The following TRIM58 variants were observed in gnomAD, a reference collection of about 807,000 sequenced individuals.
TRIM58 encodes E3 ubiquitin-protein ligase TRIM58.
A neutral mutation model predicts 34.1 loss-of-function variants in TRIM58; 38 were observed. The ratio of observed to expected loss-of-function variants is 1.12; its 90% CI spans 0.86 to 1.46. The LOEUF (loss-of-function observed/expected upper bound fraction) is 1.46. Among genes scored for constraint, TRIM58 ranks in the 40% most tolerant of loss-of-function variants. The pLI is 0.00. For missense variants in TRIM58, 677 were observed against 642.0 expected (o/e 1.05, Z -0.59); for synonymous variants, 273 against 275.7 (o/e 0.99, Z 0.10).
At chr1:247,863,425 T>G (rs560317498) in intron 2 of TRIM58, among the ~76,000 whole-genome samples, 1 of 151,692 alleles carries the variant, frequency 6.6e-6, no homozygotes, top group African/African-American at 2.4e-5. Context: ...GTAATCCCAC[T>G]TACTCGGGAG....
chr1:247,876,651 T>G lies in TRIM58; in HGVS notation c.*162T>G. 1.6e-6 allele frequency: 1 copy of G among 615,030 alleles called. No individual in the cohort carries two copies. The highest frequency in any genetic ancestry group is 2.8e-6 in the Non-Finnish European group (1 of 352,412). The allele number at this position is 615,030 out of a possible 1,614,324, so 38.1% of individuals were successfully genotyped here. ...GGACAAAAGAGGGAATATGAAATAT[T>G]TGCATATGGGAAGATTATAGAGCAT... On this transcript the variant is annotated 3_prime_UTR_variant, in exon 6 of 6. Transcript: ENST00000366481.
chr1:247,860,749 T>C, intron 2 of TRIM58, 37 bp downstream of exon 2: 1 of 1,503,096 alleles, frequency 6.7e-7, no homozygotes, highest in Non-Finnish European at 9.3e-7. Flanking sequence ...GCTTGCCTGT[T>C]TGAAGGATCC....
intron 3 of TRIM58, among the ~76,000 whole-genome samples, chr1:247,867,241 AAT>A (rs922881491): frequency 1.3e-5 from 2 of 152,200 alleles, no homozygotes; most frequent in African/African-American, 4.8e-5. Context: ...CCCTCAAATA[AAT>A]TCTATGAGTA....
chr1:247,860,929 T>C (rs990488891), intron 2 of TRIM58, among the ~76,000 whole-genome samples: 1 of 152,188 alleles, frequency 6.6e-6, no homozygotes, highest in Non-Finnish European at 1.5e-5. Context: ...ATCCAAATTA[T>C]AATTAAATAG....
chr1:247,876,307 G>A lies in TRIM58; in HGVS notation c.1279G>A (p.Val427Ile), dbSNP rs765945183. ...AGCCGGTGAAATTTCATTCTACAAT[G>A]TCACAGATGGATCTTATATCTACAC... ...YEAGEISFYNVTDGSYIYTFN... is the reference protein window; with the variant it reads ...YEAGEISFYNITDGSYIYTFN... Residue 427 changes from valine (V) to isoleucine (I), a missense_variant, in exon 6 of 6, where the codon GTC becomes ATC. Val to Ile is a conservative substitution (Grantham distance 29, BLOSUM62 3). Coordinates refer to ENST00000366481, the MANE Select transcript of TRIM58 (RefSeq NM_015431.4). 6 of 1,614,194 alleles carry A rather than the reference G, an allele frequency of 3.7e-6. No individual in the cohort carries two copies. Among genetic ancestry groups the A allele is most frequent in the Non-Finnish European group, 4.2e-6 (5 of 1,180,042 alleles).
chr1:247,857,231 C>T lies in TRIM58; in HGVS notation c.-16C>T. On this transcript the variant is annotated 5_prime_UTR_variant, in exon 1 of 6. Transcript: ENST00000366481. ...GGTGCGGGCGGCCGGGAGCGCAGCC[C>T]TCCGGGAGGCGGGTCATGGCCTGGG... 1.5e-6 allele frequency: 2 copies of T among 1,312,078 alleles called. No homozygotes were observed. The highest frequency in any genetic ancestry group is 2.0e-6 in the Non-Finnish European group (2 of 1,024,230). The allele number at this position is 1,312,078 out of a possible 1,614,324, so 81.3% of individuals were successfully genotyped here. A position where few individuals can be genotyped will look rare whatever the true frequency, so the allele number is the denominator to read the frequency against.
intron 2 of TRIM58, 141 bp from the exon 3 acceptor site, chr1:247,864,564 G>GTGCA: frequency 1.3e-6 from 1 of 769,016 alleles, no homozygotes. Flanking sequence ...ACTCCAGTCT[G>GTGCA]TGCATGTTGT....
In TRIM58 at chr1:247,857,544, G is replaced by C. The variant is rs1422013225; in HGVS notation, c.298G>C (p.Gly100Arg). The change falls in exon 1 of 6, where the codon GGC (glycine) becomes CGC (arginine). Residue 100 changes from glycine to arginine, a missense_variant. Transcript: ENST00000366481. ...CGGGGCGCGGCGATGCGCGCGGCAC[G>C]GCGAGGACCTGAGCCGCTTCTGCGA... Reference protein sequence around the residue: ...GPGARRCARHGEDLSRFCEED... With the variant: ...GPGARRCARHREDLSRFCEED... 6 of 1,280,646 alleles carry C rather than the reference G, an allele frequency of 4.7e-6. No individual in the cohort carries two copies. Among genetic ancestry groups the C allele is most frequent in the South Asian group, 2.8e-5 (1 of 35,628 alleles). 79.3% of individuals were successfully genotyped at this position (1,280,646 alleles called of 1,614,324 possible).
intron 5 of TRIM58, among the ~76,000 whole-genome samples, chr1:247,873,078 A>G: frequency 6.6e-6 from 1 of 152,108 alleles, no homozygotes; most frequent in East Asian, 1.9e-4. Context: ...TAAAAATACA[A>G]AATTAGCCAG....
At chr1:247,873,990 G>C (rs11204534) in intron 5 of TRIM58, among the ~76,000 whole-genome samples, 4,263 of 152,076 alleles carry the variant, frequency 0.028, 213 homozygotes, top group African/African-American at 0.098. Context: ...TTCACTGTAA[G>C]TGTTTAAAGG....
chr1:247,876,279 T>C lies in TRIM58; in HGVS notation c.1251T>C (p.Tyr417=). The change falls in exon 6 of 6, where the codon TAT becomes TAC. Residue 417 remains tyrosine (Y), a synonymous_variant. Coordinates refer to ENST00000366481, the MANE Select transcript of TRIM58 (RefSeq NM_015431.4). ...GCTGCATTGGGATTTTCTTGGACTA[T>C]GAAGCCGGTGAAATTTCATTCTACA... ...SPRCIGIFLD[Y]EAGEISFYNV... is the part of the protein sequence containing the mutation. 1.9e-6 allele frequency: 3 copies of C among 1,614,234 alleles called. No homozygotes were observed. Among genetic ancestry groups the C allele is most frequent in the East Asian group, 2.2e-5 (1 of 44,884 alleles).
chr1:247,868,267 G>A (rs1248567263), intron 5 of TRIM58, among the ~76,000 whole-genome samples: 1 of 152,168 alleles, frequency 6.6e-6, no homozygotes, highest in African/African-American at 2.4e-5. Context: ...AGAGTGTGCT[G>A]TTGGTTTGTT....
At chr1:247,870,464 C>A (rs112683514) in intron 5 of TRIM58, among the ~76,000 whole-genome samples, 1 of 56,524 alleles carries the variant, frequency 1.8e-5, no homozygotes. Flanking sequence ...ATCAGAGTCA[C>A]GGCCACCCAT....
chr1:247,880,038 AT>A lies in TRIM58; in HGVS notation c.*3551del, dbSNP rs1312821485. Reference sequence around the variant, plus strand: ...TATCTTTGTCTGTTGACAATGATACATTCAATGTTTCTCAAGCACCCCCAAT... The same window carrying A: ...TATCTTTGTCTGTTGACAATGATACATCAATGTTTCTCAAGCACCCCCAAT... On this transcript the variant is annotated 3_prime_UTR_variant, in exon 6 of 6. Coordinates refer to ENST00000366481, the MANE Select transcript of TRIM58 (RefSeq NM_015431.4). Among the ~76,000 whole-genome samples, 1 of 152,158 alleles carries A rather than the reference AT, an allele frequency of 6.6e-6. No individual in the cohort carries two copies. Among genetic ancestry groups the A allele is most frequent in the Non-Finnish European group, 1.5e-5 (1 of 68,038 alleles).
In TRIM58 at chr1:247,857,359, G is replaced by A; in HGVS notation, c.113G>A (p.Arg38Lys). Residue 38 changes from arginine to lysine, a missense_variant, in exon 1 of 6, where the codon AGG becomes AAG. Physicochemically the swap from Arg to Lys is conservative, Grantham distance 26. Transcript: ENST00000366481. ...SVDCGHSFCL[R>K]CISEFCEKSD... ...GACTGCGGCCACAGCTTCTGCCTCA[G>A]GTGCATCTCCGAGTTCTGCGAGAAG... 6.6e-7 allele frequency: 1 copy of A among 1,522,690 alleles called. No homozygotes were observed. 94.3% of individuals were successfully genotyped at this position (1,522,690 alleles called of 1,614,324 possible). A position where few individuals can be genotyped will look rare whatever the true frequency, so the allele number is the denominator to read the frequency against.
chr1:247,861,953 G>A (rs1207999874), intron 2 of TRIM58, among the ~76,000 whole-genome samples: 1 of 151,408 alleles, frequency 6.6e-6, no homozygotes, highest in Non-Finnish European at 1.5e-5. Flanking sequence ...GAGAAACCCC[G>A]TCTCTACTAA....
At chr1:247,857,718 G>A (rs1420117830) in intron 1 of TRIM58, 52 bp downstream of exon 1, 10 of 1,208,714 alleles carry the variant, frequency 8.3e-6, no homozygotes, top group Non-Finnish European at 1.0e-5. Context: ...CGGGAAGCGG[G>A]CGACAGTCCG....
intron 1 of TRIM58, 143 bp downstream of exon 1, chr1:247,857,809 C>T: frequency 7.0e-6 from 8 of 1,141,312 alleles, no homozygotes; most frequent in Non-Finnish European, 8.7e-6. Context: ...CCCCCGCCCA[C>T]GCGGCTCACT....
rs893280101 is a variant in TRIM58, at chr1:247,860,496, T to C, written c.421-121T>C. The C allele has an allele frequency of 1.6e-4, 101 of 633,206 alleles. No individual in the cohort carries two copies. In the East Asian group the frequency reaches 2.5e-3, roughly 16 times the overall value. The allele number at this position is 633,206 out of a possible 1,614,324, so 39.2% of individuals were successfully genotyped here. A position where few individuals can be genotyped will look rare whatever the true frequency, so the allele number is the denominator to read the frequency against. On this transcript the variant is annotated intron_variant, in intron 1 of 5. Transcript: ENST00000366481. ...CATTTATGTTTAGTTTTTAATGATA[T>C]TGAACATTTTTATGTGCTTTCTAGG...
Sources: allele counts gnomAD v4.1 joint callset (sites outside exome capture counted in the v4.1 genomes callset), GRCh38; gene constraint gnomAD v4.1.1; transcripts MANE v1.5; gene names NCBI Gene and HGNC (gene_info 2026-07-23, HGNC 2026-07-21).